TNRC18: variants seen among roughly 807,000 people sequenced by gnomAD.
The protein encoded by TNRC18 is trinucleotide repeat-containing gene 18 protein.
TNRC18 carries 69 observed loss-of-function variants against 226.7 expected under a neutral mutation model. That is an observed-to-expected ratio of 0.30 (90% CI 0.25 to 0.37). The LOEUF is 0.37. Ranked by LOEUF, TNRC18 falls within the 10% of genes least tolerant of loss-of-function variation. The probability of loss-of-function intolerance (pLI) is 1.00; values close to 1 mark genes in which losing one functional copy is unlikely to be tolerated. For synonymous variants in TNRC18, 2,449 were observed against 1,927.6 expected (o/e 1.27, Z -7.09); for missense variants, 4,754 against 4,256.6 (o/e 1.12, Z -3.25).
At chr7:5,395,456 G>T (rs1780608452) in intron 2 of TNRC18, among the ~76,000 whole-genome samples, 1 of 152,214 alleles carries the variant, frequency 6.6e-6, no homozygotes, top group South Asian at 2.1e-4. Context: ...ACGTGGCCAG[G>T]CCCACATCGG....
At chr7:5,345,934 C>T (rs973271761) in intron 17 of TNRC18, 124 bp from the exon 18 acceptor site, 23 of 1,360,254 alleles carry the variant, frequency 1.7e-5, no homozygotes, top group Admixed American at 5.7e-5. Context: ...AGCAGGGGGC[C>T]GCTGGGGGTG....
rs1249481083 is a variant in TNRC18 at position 5,377,040 on chromosome 7, C to A, written c.2462-47G>T. On this transcript the variant is annotated intron_variant, in intron 7 of 29. Transcript: ENST00000430969. This position sits in a 1 kb window ranked among gnomAD's most constrained non-coding sequence, Gnocchi z 5.8. ...TGAGTCAGTGCTGGGAGCCCCCAAG[C>A]GGTTTGTCCTCGGGCAGCCCCAGCC... The A allele has an allele frequency of 3.6e-5, 55 of 1,541,776 alleles. No individual in the cohort carries two copies. Among genetic ancestry groups the A allele is most frequent in the Non-Finnish European group, 4.5e-5 (51 of 1,145,878 alleles).
At chr7:5,311,917 G>C (rs912733022) in intron 27 of TNRC18, among the ~76,000 whole-genome samples, 20 of 152,102 alleles carry the variant, frequency 1.3e-4, no homozygotes, top group African/African-American at 4.8e-4. Context: ...CAGATCACTT[G>C]AGGCCAGGAG....
At chr7:5,422,816 T>G (rs1440552337) in intron 1 of TNRC18, 7 of 152,272 alleles carry the variant, frequency 4.6e-5, no homozygotes, top group Non-Finnish European at 8.8e-5. Flanking sequence ...GATTCGCGTT[T>G]ACTTTGGAAA....
chr7:5,400,368 GGGA>G (rs770888917), intron 2 of TNRC18, among the ~76,000 whole-genome samples: 2 of 152,022 alleles, frequency 1.3e-5, no homozygotes, highest in Non-Finnish European at 2.9e-5. Flanking sequence ...ACAGCACTTT[GGGA>G]GGCAGAGGCG....
In TNRC18 at chr7:5,360,728, C is replaced by T. The variant is rs546466400; in HGVS notation, c.4661+866G>A. ...CGGGAAGCTCTCCCTGCCCCTGCTG[C>T]GGCTGGTGAGGGAGATTTCTACCTC... On this transcript the variant is annotated intron_variant, in intron 14 of 29. Coordinates refer to ENST00000430969, the MANE Select transcript of TNRC18 (RefSeq NM_001080495.3). Among the ~76,000 whole-genome samples the T allele has an allele frequency of 3.9e-5, 6 of 152,266 alleles. No individual in the cohort carries two copies. The East Asian group carries it at 1.2e-3, about 29-fold the overall frequency.
At chr7:5,419,688 A>T (rs781538624) in intron 2 of TNRC18, 2 of 151,622 alleles carry the variant, frequency 1.3e-5, no homozygotes, top group Admixed American at 6.6e-5. Context: ...GGGGGCCAAG[A>T]CCTGGTTCTT....
intron 2 of TNRC18, chr7:5,419,876 G>A (rs973120018): frequency 3.9e-5 from 6 of 152,784 alleles, no homozygotes; most frequent in East Asian, 1.9e-4. Context: ...AGCGGGCGGG[G>A]CAAGGCCGAG....
At chr7:5,408,984 C>T (rs1781665055) in intron 2 of TNRC18, among the ~76,000 whole-genome samples, 1 of 152,214 alleles carries the variant, frequency 6.6e-6, no homozygotes, top group Non-Finnish European at 1.5e-5. Context: ...AACATGCACA[C>T]TCAGCTCTTG....
intron 21 of TNRC18, among the ~76,000 whole-genome samples, chr7:5,323,305 C>T (rs1788564086): frequency 6.6e-6 from 1 of 152,024 alleles, no homozygotes; most frequent in Non-Finnish European, 1.5e-5. Flanking sequence ...CATGACTCTC[C>T]CTGACCCGGG....
chr7:5,311,981 C>CA (rs2128102869), intron 27 of TNRC18, among the ~76,000 whole-genome samples: 1 of 151,348 alleles, frequency 6.6e-6, no homozygotes, highest in African/African-American at 2.4e-5. Flanking sequence ...ACTGAAAATA[C>CA]AAAAATTAGC....
chr7:5,378,221 G>C (rs547769188), intron 5 of TNRC18, among the ~76,000 whole-genome samples, 197 bp from the exon 6 acceptor site: 66 of 152,142 alleles, frequency 4.3e-4, no homozygotes, highest in African/African-American at 1.5e-3. Context: ...GGGTTCCTCA[G>C]GGCCAGAAAT....
At position 5,307,742 on chromosome 7, in the gene TNRC18, T is replaced by C. The variant is rs1786693030; in HGVS notation, c.*364A>G. 2.8e-6 allele frequency: 1 copy of C among 358,138 alleles called. No homozygotes were observed. The highest frequency in any genetic ancestry group is 5.4e-6 in the Non-Finnish European group (1 of 184,340). The allele number at this position is 358,138 out of a possible 1,614,324, so 22.2% of individuals were successfully genotyped here. On this transcript the variant is annotated 3_prime_UTR_variant, in exon 30 of 30. Coordinates refer to ENST00000430969, the MANE Select transcript of TNRC18 (RefSeq NM_001080495.3). Reference sequence around the variant, plus strand: ...GCGCCCCTCCCCACCGAATCCCCAGTCTGCATGGACCTGGGGGCACCCGGG... The same window carrying C: ...GCGCCCCTCCCCACCGAATCCCCAGCCTGCATGGACCTGGGGGCACCCGGG...
intron 10 of TNRC18, 42 bp downstream of exon 10, chr7:5,374,013 C>A: frequency 6.9e-7 from 1 of 1,447,610 alleles, no homozygotes; most frequent in Non-Finnish European, 9.2e-7. Context: ...TTTACCGCTC[C>A]AGGGGCAGAG....
chr7:5,402,744 C>T (rs1781193603), intron 2 of TNRC18, among the ~76,000 whole-genome samples: 1 of 151,888 alleles, frequency 6.6e-6, no homozygotes, highest in Non-Finnish European at 1.5e-5. Context: ...ATCCCAGCTA[C>T]TCGGGAGGCT....
intron 18 of TNRC18, among the ~76,000 whole-genome samples, chr7:5,344,463 G>A (rs1233949907): frequency 1.3e-5 from 2 of 152,164 alleles, no homozygotes; most frequent in African/African-American, 2.4e-5. Context: ...GGCAGGGCAT[G>A]AGAGCGAGGA....
intron 21 of TNRC18, among the ~76,000 whole-genome samples, chr7:5,322,235 G>A (rs1403245711): frequency 2.6e-5 from 4 of 151,884 alleles, no homozygotes; most frequent in Non-Finnish European, 4.4e-5. Context: ...CCGAGATCAC[G>A]CCACTGCACT....
chr7:5,423,834 TAAA>T (rs1259808024), upstream of TNRC18, among the ~76,000 whole-genome samples: 7 of 71,558 alleles, frequency 9.8e-5, no homozygotes, highest in African/African-American at 1.0e-4. Context: ...TCGCAGGATC[TAAA>T]AAAAAAAAAA....
chr7:5,370,634 G>A lies in TNRC18; in HGVS notation c.3960C>T (p.Thr1320=). The A allele has an allele frequency of 6.2e-7, 1 of 1,613,130 alleles. No homozygotes were observed. The highest frequency in any genetic ancestry group is 8.5e-7 in the Non-Finnish European group (1 of 1,179,796). ...CAGAGCTTGCCTCTTCCAGGAAGCAGGTGCTGCCGAGTACAGGCACGGCCT... is the reference window on the plus strand; with the variant it reads ...CAGAGCTTGCCTCTTCCAGGAAGCAAGTGCTGCCGAGTACAGGCACGGCCT... ...PQEAVPVLGS[T]CFLEEASSDQ... is the part of the protein sequence containing the mutation. Residue 1320 remains threonine, a synonymous_variant, in exon 11 of 30, where the codon ACC becomes ACT. Coordinates refer to ENST00000430969, the MANE Select transcript of TNRC18 (RefSeq NM_001080495.3).
Sources: gnomAD v4.1 joint callset for allele counts (sites outside exome capture counted in the v4.1 genomes callset) on GRCh38, gnomAD v4.1.1 for gene constraint, Gnocchi (gnomAD v3.1) non-coding constraint, MANE v1.5 for transcripts, NCBI Gene and HGNC (gene_info 2026-07-23, HGNC 2026-07-21) for gene names.